The following DMD variants were observed in gnomAD, a reference collection of about 807,000 sequenced individuals.
DMD encodes the protein mutant dystrophin.
Under a neutral mutation model 330.1 loss-of-function variants are expected in DMD, and 63 were observed. The observed-to-expected ratio is 0.19, with a 90% CI of 0.16 to 0.24. The LOEUF (loss-of-function observed/expected upper bound fraction) is 0.24, where lower values mean the gene tolerates loss of function less well. Ranked by LOEUF, DMD falls within the 10% of genes least tolerant of loss-of-function variation. The pLI is 1.00. For missense variants in DMD, 3,344 were observed against 2,684.1 expected, an observed-to-expected ratio of 1.25 and a Z score of -5.43; for synonymous variants, 1,223 against 959.8, an observed-to-expected ratio of 1.27 and a Z score of -5.07.
At chrX:32,256,063 TA>T (rs1204086112) in intron 43 of DMD, among the ~76,000 whole-genome samples, 1 of 111,363 alleles carries the variant, frequency 9.0e-6, no homozygotes, top group Non-Finnish European at 1.9e-5. Flanking sequence ...CTCGTTAATC[TA>T]ATATTGACAG....
At chrX:32,490,206 T>C (rs1162219237) in intron 20 of DMD, among the ~76,000 whole-genome samples, 5 of 111,966 alleles carry the variant, frequency 4.5e-5, no homozygotes, top group Admixed American at 3.8e-4. Context: ...CCTTGCCTTT[T>C]GTATTAAATG....
At chrX:32,716,322 G>T (rs750950404) in intron 7 of DMD, among the ~76,000 whole-genome samples, 5 of 110,278 alleles carry the variant, frequency 4.5e-5, no homozygotes, top group Non-Finnish European at 7.6e-5. Context: ...CATGAGATCT[G>T]GTTGTTTAAA....
chrX:32,697,735 T>C (rs2063761714), intron 9 of DMD, 135 bp downstream of exon 9: 8 of 859,782 alleles, frequency 9.3e-6, no homozygotes, highest in Admixed American at 8.1e-5. Context: ...AGGGAATCAA[T>C]AAAACTTGGA....
At chrX:31,942,953 G>T (rs893400959) in intron 45 of DMD, among the ~76,000 whole-genome samples, 2 of 111,964 alleles carry the variant, frequency 1.8e-5, no homozygotes, top group African/African-American at 6.5e-5. Context: ...TGGGAGGCAG[G>T]TTCTGTATAA....
chrX:32,151,235 G>C (rs1432507890), intron 44 of DMD, among the ~76,000 whole-genome samples: 3 of 111,997 alleles, frequency 2.7e-5, no homozygotes, highest in Admixed American at 9.5e-5. Flanking sequence ...AAAGAAAATA[G>C]TTTTCCTTCT....
At chrX:31,328,917 T>C (rs1429105345) in intron 61 of DMD, among the ~76,000 whole-genome samples, 5 of 112,240 alleles carry the variant, frequency 4.5e-5, no homozygotes, top group Non-Finnish European at 9.4e-5. Context: ...GTGCCACATG[T>C]AGTATAAAGT....
intron 50 of DMD, among the ~76,000 whole-genome samples, chrX:31,779,755 A>G (rs758377784): frequency 1.3e-3 from 147 of 110,476 alleles, no homozygotes; most frequent in African/African-American, 4.8e-3. Context: ...AGAGAGAGAG[A>G]GGGCATCTGA....
rs1320256414 is a variant in DMD at position 33,256,619 on chromosome X, T to G, written c.7+82640A>C. ...TTCAACCGAGAATGTACACCTGTCATCTCAAAAGAAGGTATATTTACATAT... is the reference window on the plus strand; with the variant it reads ...TTCAACCGAGAATGTACACCTGTCAGCTCAAAAGAAGGTATATTTACATAT... On this transcript the variant is annotated intron_variant, in intron 1 of 17. Transcript: ENST00000288447. Among the ~76,000 whole-genome samples, 5 of 110,185 alleles carry G rather than the reference T, an allele frequency of 4.5e-5. No individual in the cohort carries two copies. In the East Asian group the frequency reaches 1.1e-3, roughly 25 times the overall value.
intron 60 of DMD, among the ~76,000 whole-genome samples, chrX:31,382,799 C>T (rs185626120): frequency 5.4e-5 from 6 of 111,115 alleles, no homozygotes; most frequent in Admixed American, 1.9e-4. Flanking sequence ...TGATCCACCT[C>T]GAAGCAGCCC....
At chrX:33,081,525 C>T (rs939250650) in intron 1 of DMD, among the ~76,000 whole-genome samples, 2 of 112,147 alleles carry the variant, frequency 1.8e-5, no homozygotes, top group Non-Finnish European at 3.8e-5. Flanking sequence ...CCGCCCTCCT[C>T]GGCCTCCCAA....
At chrX:32,810,905 A>T (rs2077323187) in intron 6 of DMD, among the ~76,000 whole-genome samples, 1 of 111,430 alleles carries the variant, frequency 9.0e-6, no homozygotes, top group South Asian at 3.7e-4. Flanking sequence ...CATAAACAGG[A>T]TCCATAGTTT....
intron 50 of DMD, among the ~76,000 whole-genome samples, chrX:31,780,617 T>C (rs1037109160): frequency 3.6e-5 from 4 of 112,253 alleles, no homozygotes; most frequent in African/African-American, 1.3e-4. Context: ...TCCGTAAGAA[T>C]TCAAGAGAAC....
At chrX:31,858,729 T>C (rs916676297) in intron 48 of DMD, among the ~76,000 whole-genome samples, 6 of 111,080 alleles carry the variant, frequency 5.4e-5, no homozygotes, top group Non-Finnish European at 9.4e-5. Context: ...TTGACAAATA[T>C]ATATATTTGT....
At chrX:31,749,267 A>G (rs2088186814) in intron 51 of DMD, among the ~76,000 whole-genome samples, 1 of 101,101 alleles carries the variant, frequency 9.9e-6, no homozygotes, top group South Asian at 5.4e-4. Context: ...AGCATTAGGT[A>G]TATCTCCCAA....
intron 67 of DMD, among the ~76,000 whole-genome samples, chrX:31,188,873 A>C (rs1448941697): frequency 8.9e-6 from 1 of 112,112 alleles, no homozygotes; most frequent in Non-Finnish European, 1.9e-5. Context: ...CTTTATACAA[A>C]TATAACAAGG....
At chrX:33,189,341 G>A (rs1025137138) in intron 1 of DMD, among the ~76,000 whole-genome samples, 7 of 111,437 alleles carry the variant, frequency 6.3e-5, no homozygotes, top group Non-Finnish European at 9.4e-5. Flanking sequence ...AACAGTATCC[G>A]TGTAACACTG....
intron 44 of DMD, among the ~76,000 whole-genome samples, chrX:32,085,594 A>ATATATATATG (rs2096426776): frequency 9.9e-6 from 1 of 101,179 alleles, no homozygotes; most frequent in Non-Finnish European, 2.0e-5. Context: ...ACACACATAT[A>ATATATATATG]TGTATATATG....
intron 12 of DMD, among the ~76,000 whole-genome samples, chrX:32,612,747 T>A (rs2057274343): frequency 9.0e-6 from 1 of 111,395 alleles, no homozygotes; most frequent in Non-Finnish European, 1.9e-5. Context: ...ACAGTTACAA[T>A]TTCTACATAA....
intron 52 of DMD, among the ~76,000 whole-genome samples, chrX:31,695,471 G>A (rs5927809): frequency 0.42 from 46,318 of 109,117 alleles, 8,034 homozygotes; most frequent in African/African-American, 0.62. Flanking sequence ...CAGGATGGAT[G>A]CCTCATTCTC....
Sources: allele counts gnomAD v4.1 joint callset (sites outside exome capture counted in the v4.1 genomes callset), GRCh38; gene constraint gnomAD v4.1.1; transcripts MANE v1.5; gene names NCBI Gene and HGNC (gene_info 2026-07-23, HGNC 2026-07-21).